The following ARHGAP10 variants were observed in gnomAD, a reference collection of about 807,000 sequenced individuals.
ARHGAP10 encodes Rho GTPase activating protein 10.
In ARHGAP10, 87 loss-of-function variants were observed where a neutral mutation model predicts 108.6. That is an observed-to-expected ratio of 0.80 (90% CI 0.67 to 0.96). ARHGAP10 has a LOEUF of 0.96. Ranked by LOEUF, ARHGAP10 falls within the 40% of genes least tolerant of loss-of-function variation. ARHGAP10 has a pLI of 0.00. For missense variants in ARHGAP10, 939 were observed against 954.5 expected (o/e 0.98, Z 0.21); for synonymous variants, 347 against 341.1 (o/e 1.02, Z -0.19).
At chr4:147,849,113 C>T (rs1240617632) in intron 4 of ARHGAP10, among the ~76,000 whole-genome samples, 2 of 152,108 alleles carry the variant, frequency 1.3e-5, no homozygotes, top group East Asian at 1.9e-4. Context: ...GCCCTTTTTC[C>T]TGGTAGTTTT....
intron 16 of ARHGAP10, among the ~76,000 whole-genome samples, chr4:147,961,975 T>G (rs1473205514): frequency 6.6e-6 from 1 of 152,214 alleles, no homozygotes; most frequent in Non-Finnish European, 1.5e-5. Context: ...CACAGTGCCC[T>G]CAGTTAGCTT....
At chr4:147,757,030 A>G (rs967287587) in intron 1 of ARHGAP10, among the ~76,000 whole-genome samples, 1 of 151,784 alleles carries the variant, frequency 6.6e-6, no homozygotes, top group African/African-American at 2.4e-5. Flanking sequence ...AGCGAGAGAG[A>G]GAGAGAAATG....
intron 11 of ARHGAP10, 63 bp from the exon 12 acceptor site, chr4:147,909,669 C>T: frequency 7.4e-7 from 1 of 1,356,932 alleles, no homozygotes; most frequent in South Asian, 1.2e-5. Context: ...CCTCAGTGTG[C>T]CTACTTGAAT....
At chr4:148,014,247 C>T (rs981212799) in intron 18 of ARHGAP10, among the ~76,000 whole-genome samples, 2 of 152,132 alleles carry the variant, frequency 1.3e-5, no homozygotes, top group Admixed American at 1.3e-4. Context: ...TTTTACTCAG[C>T]GAAGAGTATT....
At chr4:147,783,991 TTA>T (rs1730689833) in intron 1 of ARHGAP10, among the ~76,000 whole-genome samples, 1 of 143,570 alleles carries the variant, frequency 7.0e-6, no homozygotes, top group African/African-American at 2.5e-5. Flanking sequence ...ATTATATAAT[TTA>T]TATAACACAT....
intron 10 of ARHGAP10, 141 bp from the exon 11 acceptor site, chr4:147,906,497 C>A: frequency 1.4e-6 from 1 of 712,110 alleles, no homozygotes; most frequent in Non-Finnish European, 2.3e-6. Flanking sequence ...ACTTAAAAAT[C>A]GTTAAGATGA....
chr4:147,824,368 G>A (rs1354081105), intron 3 of ARHGAP10, among the ~76,000 whole-genome samples: 1 of 151,906 alleles, frequency 6.6e-6, no homozygotes, highest in African/African-American at 2.4e-5. Context: ...TTGAAAATGA[G>A]TACTATCTAG....
At chr4:147,868,735 A>C (rs1734673621) in intron 7 of ARHGAP10, among the ~76,000 whole-genome samples, 1 of 152,170 alleles carries the variant, frequency 6.6e-6, no homozygotes, top group East Asian at 1.9e-4. Context: ...TCAGGTCATC[A>C]GGCATTAGAT....
At chr4:147,858,447 G>A (rs1047512404) in intron 5 of ARHGAP10, 1 of 152,068 alleles carries the variant, frequency 6.6e-6, no homozygotes, top group African/African-American at 2.4e-5. Context: ...ATTAAGTCTT[G>A]TGTAAACCTG....
chr4:147,742,531 T>C (rs1728724061), intron 1 of ARHGAP10, among the ~76,000 whole-genome samples: 1 of 133,470 alleles, frequency 7.5e-6, no homozygotes, highest in Non-Finnish European at 1.5e-5. Context: ...CAGCTCAGGC[T>C]GGAGTGCAAT....
chr4:147,929,259 AAAT>A (rs1231352934), intron 13 of ARHGAP10, among the ~76,000 whole-genome samples: 1 of 152,150 alleles, frequency 6.6e-6, no homozygotes, highest in African/African-American at 2.4e-5. Context: ...TAAGTGTTAC[AAAT>A]AATGCATTCT....
intron 13 of ARHGAP10, among the ~76,000 whole-genome samples, chr4:147,918,812 C>T (rs1013746274): frequency 2.0e-5 from 3 of 152,220 alleles, no homozygotes; most frequent in African/African-American, 7.2e-5. Context: ...CTAGTTCTGT[C>T]TGTAGCTCCT....
intron 10 of ARHGAP10, among the ~76,000 whole-genome samples, chr4:147,902,095 T>G (rs984834053): frequency 1.3e-5 from 2 of 152,232 alleles, no homozygotes; most frequent in African/African-American, 4.8e-5. Context: ...TTTGTTATTC[T>G]TGGAGCAACA....
chr4:147,998,550 CT>C (rs1740567347), intron 18 of ARHGAP10, among the ~76,000 whole-genome samples: 1 of 152,202 alleles, frequency 6.6e-6, no homozygotes, highest in Admixed American at 6.5e-5. Context: ...ATCAGTTTTA[CT>C]TACCAATATT....
At chr4:148,043,631 A>G (rs1372194402) in intron 19 of ARHGAP10, among the ~76,000 whole-genome samples, 1 of 100,864 alleles carries the variant, frequency 9.9e-6, no homozygotes, top group Non-Finnish European at 2.1e-5. Context: ...ATATATATAT[A>G]TATATATATA....
At chr4:148,004,664 G>A (rs112796746) in intron 18 of ARHGAP10, among the ~76,000 whole-genome samples, 2,812 of 152,256 alleles carry the variant, frequency 0.018, 98 homozygotes, top group African/African-American at 0.064. Flanking sequence ...CAAAAGCCAC[G>A]GCCTTTAGTC....
At chr4:147,912,564 T>C (rs867279653) in intron 12 of ARHGAP10, among the ~76,000 whole-genome samples, 1 of 98,056 alleles carries the variant, frequency 1.0e-5, no homozygotes, top group African/African-American at 6.3e-5. Flanking sequence ...TATATATATA[T>C]ATATATATAT....
At chr4:147,931,429 C>G (rs113681576) in intron 13 of ARHGAP10, among the ~76,000 whole-genome samples, 2,337 of 151,944 alleles carry the variant, frequency 0.015, 36 homozygotes, top group Non-Finnish European at 0.02. Context: ...TGAAAAATCA[C>G]AATAATTTGG....
At chr4:147,782,925 TAA>T (rs1393386936) in intron 1 of ARHGAP10, among the ~76,000 whole-genome samples, 4 of 142,540 alleles carry the variant, frequency 2.8e-5, no homozygotes, top group African/African-American at 1.0e-4. Context: ...ATAAATTATA[TAA>T]TATATAAAAT....
Sources: allele counts gnomAD v4.1 joint callset (sites outside exome capture counted in the v4.1 genomes callset), GRCh38; gene constraint gnomAD v4.1.1; transcripts MANE v1.5; gene names NCBI Gene and HGNC (gene_info 2026-07-23, HGNC 2026-07-21).